Variants in MAP3K7 observed in about 807,000 individuals in gnomAD.
MAP3K7 encodes the protein TGF-beta activated kinase 1.
MAP3K7 carries 21 observed loss-of-function variants against 84.8 expected under a neutral mutation model. The observed-to-expected ratio is 0.25, with a 90% CI of 0.18 to 0.36. The LOEUF (loss-of-function observed/expected upper bound fraction) is 0.36. Ranked by LOEUF, MAP3K7 falls within the 10% of genes least tolerant of loss-of-function variation. The pLI, the probability that MAP3K7 is intolerant of heterozygous loss-of-function variation, is 1.00. For missense variants in MAP3K7, 503 were observed against 747.7 expected, an observed-to-expected ratio of 0.67 and a Z score of 3.82; for synonymous variants, 241 against 247.7, an observed-to-expected ratio of 0.97 and a Z score of 0.25.
chr6:90,543,773 T>C (rs1455707449), intron 12 of MAP3K7, among the ~76,000 whole-genome samples: 1 of 152,078 alleles, frequency 6.6e-6, no homozygotes, highest in Non-Finnish European at 1.5e-5. Flanking sequence ...AAATAAATGA[T>C]AATTTTGATA....
intron 13 of MAP3K7, among the ~76,000 whole-genome samples, chr6:90,529,964 TATAAGA>T (rs1775454178): frequency 6.6e-6 from 1 of 152,348 alleles, no homozygotes; most frequent in African/African-American, 2.4e-5. Flanking sequence ...ACCTTTAGTA[TATAAGA>T]ATAACAACGA....
intron 12 of MAP3K7, among the ~76,000 whole-genome samples, chr6:90,543,084 T>A (rs1281444864): frequency 2.3e-5 from 2 of 85,468 alleles, no homozygotes; most frequent in Admixed American, 1.0e-4. Context: ...GGAAGCACAG[T>A]TCAGCGGTAT....
At position 90,558,740 on chromosome 6, in the gene MAP3K7, T is replaced by C. The variant is rs111651092; in HGVS notation, c.482+1336A>G. Reference sequence around the variant, plus strand: ...CATGTAATTAGTGCAATGTAAAAGATGTTAGAAAATGGAAATGACTTCCTT... The same window carrying C: ...CATGTAATTAGTGCAATGTAAAAGACGTTAGAAAATGGAAATGACTTCCTT... On this transcript the variant is annotated intron_variant, in intron 5 of 16. Transcript: ENST00000369329. 2.2e-3 allele frequency among the ~76,000 whole-genome samples: 334 copies of C among 152,338 alleles called. 1 individual carries two copies. Among genetic ancestry groups the C allele is most frequent in the African/African-American group, 7.5e-3 (312 of 41,584 alleles).
At chr6:90,586,026 C>A (rs954565588) in intron 1 of MAP3K7, among the ~76,000 whole-genome samples, 10 of 152,212 alleles carry the variant, frequency 6.6e-5, no homozygotes, top group Admixed American at 5.9e-4. Flanking sequence ...GCATCCCCTA[C>A]ATGCCAGGTA....
At chr6:90,543,165 C>T (rs1443441431) in intron 12 of MAP3K7, among the ~76,000 whole-genome samples, 1 of 152,158 alleles carries the variant, frequency 6.6e-6, no homozygotes, top group East Asian at 1.9e-4. Flanking sequence ...TGGAGGTAAA[C>T]TGATCTCCAT....
At chr6:90,543,091 G>T (rs1463120669) in intron 12 of MAP3K7, among the ~76,000 whole-genome samples, 2 of 18,562 alleles carry the variant, frequency 1.1e-4, no homozygotes, top group Admixed American at 7.8e-4. Context: ...CAGTTCAGCG[G>T]TATGTAAGTT....
chr6:90,577,267 CT>C (rs1426170021), intron 1 of MAP3K7, among the ~76,000 whole-genome samples: 1 of 152,068 alleles, frequency 6.6e-6, no homozygotes, highest in Non-Finnish European at 1.5e-5. Flanking sequence ...CAACAGTTTA[CT>C]GAGGGATAAG....
chr6:90,566,818 C>T (rs1776721998), intron 3 of MAP3K7, among the ~76,000 whole-genome samples: 3 of 152,086 alleles, frequency 2.0e-5, no homozygotes, highest in African/African-American at 7.2e-5. Context: ...AACTATACTA[C>T]AAGGCTACAG....
chr6:90,547,161 T>C (rs1776027156), intron 11 of MAP3K7, 97 bp downstream of exon 11: 2 of 1,366,318 alleles, frequency 1.5e-6, no homozygotes, highest in East Asian at 2.4e-5. Context: ...TAAAAAAAAA[T>C]ATAAGACACA....
chr6:90,536,029 T>C (rs1445363204), intron 13 of MAP3K7, among the ~76,000 whole-genome samples: 1 of 152,150 alleles, frequency 6.6e-6, no homozygotes, highest in East Asian at 1.9e-4. Flanking sequence ...TAATGATAAA[T>C]TGTTAAATTA....
rs544131454 is a variant in MAP3K7 at position 90,515,536 on chromosome 6, T to G, written c.*965A>C. The stretch of plus-strand genomic sequence containing the variant: ...CTTCCTTCTGATTTGCCTGGTTTAT[T>G]TCTCATTTGGTATCATAAAAAGAAA... On this transcript the variant is annotated 3_prime_UTR_variant, in exon 17 of 17. Coordinates refer to ENST00000369329, the MANE Select transcript of MAP3K7 (RefSeq NM_145331.3). 9.2e-5 allele frequency: 13 copies of G among 141,384 alleles called. No individual in the cohort carries two copies. Among genetic ancestry groups the G allele is most frequent in the Admixed American group, 6.4e-4 (9 of 14,018 alleles). The allele number at this position is 141,384 out of a possible 1,614,324, so 8.8% of individuals were successfully genotyped here.
chr6:90,549,354 T>C (rs961728872), intron 9 of MAP3K7, among the ~76,000 whole-genome samples: 1 of 152,154 alleles, frequency 6.6e-6, no homozygotes, highest in Non-Finnish European at 1.5e-5. Flanking sequence ...AGGAAAGAGA[T>C]GAACTACAAT....
rs995231820 is a variant in MAP3K7, at chr6:90,514,824, A to C, written c.*1677T>G. The C allele has an allele frequency of 1.3e-5, 2 of 149,562 alleles. No homozygotes were observed. Among genetic ancestry groups the C allele is most frequent in the Non-Finnish European group, 3.0e-5 (2 of 67,324 alleles). 9.3% of individuals were successfully genotyped at this position (149,562 alleles called of 1,614,324 possible). ...TTTTACTATTACTATGCTGAATCCA[A>C]TATCTGTTTCAGCTAGGTAATCAAA... On this transcript the variant is annotated 3_prime_UTR_variant, in exon 17 of 17. Coordinates refer to ENST00000369329, the MANE Select transcript of MAP3K7 (RefSeq NM_145331.3).
At chr6:90,581,979 GAATATAT>G (rs1483732463) in intron 1 of MAP3K7, among the ~76,000 whole-genome samples, 1 of 152,174 alleles carries the variant, frequency 6.6e-6, no homozygotes, top group Non-Finnish European at 1.5e-5. Flanking sequence ...CAAAGCTGAA[GAATATAT>G]ACAAATGCTG....
chr6:90,574,196 C>T (rs898789232), intron 1 of MAP3K7, among the ~76,000 whole-genome samples: 1 of 152,182 alleles, frequency 6.6e-6, no homozygotes, highest in Non-Finnish European at 1.5e-5. Flanking sequence ...GGTATTTCCT[C>T]AAATACTACA....
intron 12 of MAP3K7, 122 bp from the exon 13 acceptor site, chr6:90,536,523 G>A: frequency 8.0e-5 from 48 of 603,378 alleles, no homozygotes; most frequent in South Asian, 2.4e-4. Context: ...TGTTTGTGGG[G>A]AAAAAAAAGT....
chr6:90,574,000 C>T (rs1455346440), intron 1 of MAP3K7, among the ~76,000 whole-genome samples: 1 of 152,194 alleles, frequency 6.6e-6, no homozygotes, highest in Non-Finnish European at 1.5e-5. Context: ...TACCTGGTAC[C>T]ATTAGAATAA....
chr6:90,536,648 C>A (rs1053107425), intron 12 of MAP3K7: 2 of 421,304 alleles, frequency 4.7e-6, no homozygotes, highest in Non-Finnish European at 8.7e-6. Flanking sequence ...TGTCCTAATA[C>A]AATAACCACT....
intron 13 of MAP3K7, among the ~76,000 whole-genome samples, chr6:90,526,613 C>A (rs1003658227): frequency 6.6e-6 from 1 of 151,678 alleles, no homozygotes; most frequent in African/African-American, 2.4e-5. Flanking sequence ...GAAACACTGA[C>A]AATTTATAAG....
Sources: gnomAD v4.1 joint callset for allele counts (sites outside exome capture counted in the v4.1 genomes callset) on GRCh38, gnomAD v4.1.1 for gene constraint, MANE v1.5 for transcripts, NCBI Gene and HGNC (gene_info 2026-07-23, HGNC 2026-07-21) for gene names.